GRID2: variants seen among roughly 807,000 people sequenced by gnomAD.
GRID2 encodes the protein glutamate receptor ionotropic, delta-2.
In GRID2, 33 loss-of-function variants were observed where a neutral mutation model predicts 114.8. The observed-to-expected ratio is 0.29, with a 90% CI of 0.22 to 0.38. GRID2 has a LOEUF of 0.38. Ranked by LOEUF, GRID2 falls within the 10% of genes least tolerant of loss-of-function variation. GRID2 has a pLI of 1.00. For missense variants in GRID2, 1,184 were observed against 1,257.7 expected, an observed-to-expected ratio of 0.94 and a Z score of 0.89; for synonymous variants, 505 against 449.9, an observed-to-expected ratio of 1.12 and a Z score of -1.55.
At chr4:93,105,145 G>A (rs1189350514) in intron 3 of GRID2, among the ~76,000 whole-genome samples, 2 of 152,236 alleles carry the variant, frequency 1.3e-5, no homozygotes, top group South Asian at 4.1e-4. Flanking sequence ...GCCCATTTTT[G>A]ATGGCGTTGT....
chr4:92,937,669 G>A (rs976054209), intron 2 of GRID2, among the ~76,000 whole-genome samples: 2 of 146,710 alleles, frequency 1.4e-5, no homozygotes, highest in Non-Finnish European at 3.0e-5. Flanking sequence ...AATTGTTTTA[G>A]CTTTGGGGCT....
intron 14 of GRID2, among the ~76,000 whole-genome samples, chr4:93,733,100 G>T (rs996481470): frequency 3.9e-5 from 6 of 152,048 alleles, no homozygotes; most frequent in African/African-American, 1.4e-4. Context: ...TTTTATTGCT[G>T]TTACTTCACC....
intron 2 of GRID2, among the ~76,000 whole-genome samples, chr4:92,760,677 T>C (rs1737966093): frequency 6.6e-6 from 1 of 152,178 alleles, no homozygotes; most frequent in Admixed American, 6.5e-5. Flanking sequence ...TGCATTCACA[T>C]CTCTATACAG....
At chr4:93,561,156 G>A (rs1734888668) in intron 13 of GRID2, among the ~76,000 whole-genome samples, 1 of 152,020 alleles carries the variant, frequency 6.6e-6, no homozygotes, top group South Asian at 2.1e-4. Flanking sequence ...AATAATATTG[G>A]TTATCGGTTG....
At chr4:93,279,979 A>G (rs1329202956) in intron 8 of GRID2, among the ~76,000 whole-genome samples, 1 of 151,954 alleles carries the variant, frequency 6.6e-6, no homozygotes, top group Non-Finnish European at 1.5e-5. Context: ...CAAGATGTAT[A>G]TGGCAGCAAT....
chr4:93,015,831 G>T (rs190699776), intron 2 of GRID2, among the ~76,000 whole-genome samples: 45 of 152,122 alleles, frequency 3.0e-4, no homozygotes, highest in Admixed American at 2.6e-3. Flanking sequence ...GTAGCTACTA[G>T]ATCAGTGTTT....
At chr4:93,282,330 A>G (rs1752732931) in intron 8 of GRID2, 2 of 419,942 alleles carry the variant, frequency 4.8e-6, no homozygotes, top group African/African-American at 2.1e-5. Context: ...ATGACAGAAT[A>G]CCAGAGATGG....
Position 92,875,827 on chromosome 4 carries a change from CTT to C in GRID2, c.245-209161_245-209160del, listed in dbSNP as rs562660090. On this transcript the variant is annotated intron_variant, in intron 2 of 15. Coordinates refer to ENST00000282020, the MANE Select transcript of GRID2 (RefSeq NM_001510.4). ...ATCTACCTAGAATAAATAAAAATGA[CTT>C]TTTTTTGTCAATAATCATTAAGCAT... 3.3e-3 allele frequency among the ~76,000 whole-genome samples: 499 copies of C among 151,868 alleles called. 2 individuals are homozygous for C. The highest frequency in any genetic ancestry group is 5.4e-3 in the Non-Finnish European group (369 of 67,930).
intron 12 of GRID2, among the ~76,000 whole-genome samples, chr4:93,495,005 TAC>T (rs1375902760): frequency 1.3e-5 from 2 of 151,808 alleles, no homozygotes; most frequent in Non-Finnish European, 2.9e-5. Flanking sequence ...AAATCAGGGT[TAC>T]ACAGTTATAG....
intron 1 of GRID2, among the ~76,000 whole-genome samples, chr4:92,382,354 G>A (rs1484543320): frequency 6.6e-6 from 1 of 152,028 alleles, no homozygotes; most frequent in Non-Finnish European, 1.5e-5. Context: ...GTTCAGTATG[G>A]GAGGAGGAAA....
intron 1 of GRID2, among the ~76,000 whole-genome samples, chr4:93,785,346 AGGTGAT>A (rs2110354204): frequency 6.6e-6 from 1 of 152,306 alleles, no homozygotes; most frequent in East Asian, 1.9e-4. Flanking sequence ...TGAAAATGCA[AGGTGAT>A]TTGCCACTCA....
intron 1 of GRID2, among the ~76,000 whole-genome samples, chr4:92,490,884 C>T (rs1723115645): frequency 6.6e-6 from 1 of 151,928 alleles, no homozygotes; most frequent in South Asian, 2.1e-4. Context: ...GCATCATTAA[C>T]CGTAAGTGTT....
intron 2 of GRID2, among the ~76,000 whole-genome samples, chr4:92,799,325 C>T (rs749766455): frequency 6.6e-6 from 1 of 151,884 alleles, no homozygotes; most frequent in Non-Finnish European, 1.5e-5. Flanking sequence ...GGAAGTGGAG[C>T]CCAGGCGATA....
chr4:93,800,700 A>G (rs988512349), intron 1 of GRID2, among the ~76,000 whole-genome samples: 4 of 152,212 alleles, frequency 2.6e-5, no homozygotes, highest in Admixed American at 1.3e-4. Flanking sequence ...AAGAAATTTA[A>G]GAGACATTAT....
At chr4:92,931,686 A>C (rs1324998956) in intron 2 of GRID2, among the ~76,000 whole-genome samples, 1 of 146,460 alleles carries the variant, frequency 6.8e-6, no homozygotes. Flanking sequence ...AACCTGGATA[A>C]AAAAAAAAAA....
rs1209043836 is a variant in GRID2 at position 93,479,736 on chromosome 4, C to T, written c.1859-10903C>T. ...CTCTCCTTTTTTGTTCTATCTGGGC[C>T]GCCAGCTAACTGGATGGTACCCACC... On this transcript the variant is annotated intron_variant, in intron 11 of 15. Coordinates refer to ENST00000282020, the MANE Select transcript of GRID2 (RefSeq NM_001510.4). Among the ~76,000 whole-genome samples the T allele has an allele frequency of 4.6e-5, 7 of 151,952 alleles. No individual in the cohort carries two copies. The East Asian group carries it at 1.4e-3, about 30-fold the overall frequency.
chr4:93,394,483 GC>G (rs1765140094), intron 8 of GRID2, among the ~76,000 whole-genome samples: 1 of 151,810 alleles, frequency 6.6e-6, no homozygotes, highest in Admixed American at 6.6e-5. Context: ...TTAATAGGAA[GC>G]ACCTAAATTG....
intron 3 of GRID2, among the ~76,000 whole-genome samples, chr4:93,087,021 T>G (rs1261541920): frequency 6.6e-6 from 1 of 150,442 alleles, no homozygotes; most frequent in African/African-American, 2.4e-5. Context: ...GAAAGTGATT[T>G]ATTTATTTAT....
At chr4:92,950,866 A>G (rs114937668) in intron 2 of GRID2, among the ~76,000 whole-genome samples, 1 of 152,276 alleles carries the variant, frequency 6.6e-6, no homozygotes, top group East Asian at 1.9e-4. Flanking sequence ...ATTGTATTTC[A>G]GTTCTGGAGT....
Sources: allele counts gnomAD v4.1 joint callset (sites outside exome capture counted in the v4.1 genomes callset), GRCh38; gene constraint gnomAD v4.1.1; transcripts MANE v1.5; gene names NCBI Gene and HGNC (gene_info 2026-07-23, HGNC 2026-07-21).